The following DKK3 variants were observed in gnomAD, a reference collection of about 807,000 sequenced individuals.
DKK3 encodes dickkopf-related protein 3.
DKK3 carries 22 observed loss-of-function variants against 33.2 expected under a neutral mutation model. The ratio of observed to expected loss-of-function variants is 0.66; its 90% CI spans 0.47 to 0.95. The LOEUF (loss-of-function observed/expected upper bound fraction) is 0.95. Among genes scored for constraint, DKK3 ranks in the 40% least tolerant of loss-of-function variants. The pLI, the probability that DKK3 is intolerant of heterozygous loss-of-function variation, is 0.00. For missense variants in DKK3, 398 were observed against 458.4 expected (o/e 0.87, Z 1.20); for synonymous variants, 194 against 188.8 (o/e 1.03, Z -0.23).
rs1221813961 is a variant in DKK3 at position 11,969,737 on chromosome 11, C to G, written c.436-1250G>C. On this transcript the variant is annotated intron_variant, in intron 3 of 6. Coordinates refer to ENST00000683431, the MANE Select transcript of DKK3 (RefSeq NM_001018057.2). ...AGAGCCTGGCCGGGCAGGCCTGGAC[C>G]TCCGGCAGCTGCCTCCAGTCCCCTT... Among the ~76,000 whole-genome samples, 3 of 152,170 alleles carry G rather than the reference C, an allele frequency of 2.0e-5. No homozygotes were observed. The East Asian group carries it at 5.8e-4, about 29-fold the overall frequency.
intron 1 of DKK3, among the ~76,000 whole-genome samples, chr11:12,006,563 C>T (rs1362770144): frequency 1.3e-5 from 2 of 152,154 alleles, no homozygotes; most frequent in East Asian, 3.9e-4. Flanking sequence ...AGTGACAGCC[C>T]ACATCTCCTC....
chr11:11,975,132 C>T (rs1847805023), intron 3 of DKK3, among the ~76,000 whole-genome samples: 1 of 152,322 alleles, frequency 6.6e-6, no homozygotes, highest in East Asian at 1.9e-4. Context: ...GTTAAGTCGT[C>T]CTGTTTGGGG....
At chr11:11,982,234 G>A (rs1847970090) in intron 3 of DKK3, among the ~76,000 whole-genome samples, 1 of 152,074 alleles carries the variant, frequency 6.6e-6, no homozygotes, top group Non-Finnish European at 1.5e-5. Flanking sequence ...CCTCCTGAAA[G>A]AAACACTGGA....
At chr11:11,975,115 G>A (rs1208746891) in intron 3 of DKK3, among the ~76,000 whole-genome samples, 1 of 152,204 alleles carries the variant, frequency 6.6e-6, no homozygotes, top group Non-Finnish European at 1.5e-5. Context: ...TGACAGAATA[G>A]ATTCCTGTTA....
At chr11:12,008,926 CT>C, upstream of DKK3, 1 of 1,047,624 alleles carries the variant, frequency 9.5e-7, no homozygotes. This position sits in a 1 kb window ranked among gnomAD's most constrained non-coding sequence, Gnocchi z 4.6. Context: ...ACGCTAATAG[CT>C]CCCAAGCCCC....
intron 3 of DKK3, among the ~76,000 whole-genome samples, chr11:11,982,505 G>C (rs1847976885): frequency 6.6e-6 from 1 of 152,164 alleles, no homozygotes; most frequent in Admixed American, 6.5e-5. Flanking sequence ...TCTGGCTCAT[G>C]CTTCATCCAT....
upstream of DKK3, chr11:12,008,932 A>T: frequency 9.6e-7 from 1 of 1,039,690 alleles, no homozygotes; most frequent in South Asian, 4.6e-5. This position sits in a 1 kb window ranked among gnomAD's most constrained non-coding sequence, Gnocchi z 4.6. Flanking sequence ...ATAGCTCCCA[A>T]GCCCCAGCTC....
intron 3 of DKK3, chr11:11,998,106 G>A (rs1848337529): frequency 6.5e-6 from 1 of 154,306 alleles, no homozygotes; most frequent in African/African-American, 2.4e-5. Flanking sequence ...CCCGACCTGT[G>A]CCCAGGTTTT....
chr11:12,003,753 A>G (rs1172601691), intron 1 of DKK3, among the ~76,000 whole-genome samples: 1 of 152,070 alleles, frequency 6.6e-6, no homozygotes, highest in Non-Finnish European at 1.5e-5. Flanking sequence ...TTTTTAAAAA[A>G]AGAATGCTCA....
At chr11:11,987,782 G>T (rs773779239) in intron 3 of DKK3, among the ~76,000 whole-genome samples, 2 of 152,148 alleles carry the variant, frequency 1.3e-5, no homozygotes, top group Admixed American at 1.3e-4. Flanking sequence ...TCATCTGTTT[G>T]GTCTAGCACC....
intron 4 of DKK3, among the ~76,000 whole-genome samples, chr11:11,967,360 G>C (rs1847622783): frequency 1.3e-5 from 2 of 152,216 alleles, no homozygotes; most frequent in South Asian, 4.1e-4. Flanking sequence ...ATTTTGCAAA[G>C]AACAGCAGGG....
intron 3 of DKK3, among the ~76,000 whole-genome samples, chr11:11,994,259 GC>G (rs773210301): frequency 1.1e-4 from 16 of 152,012 alleles, no homozygotes; most frequent in Non-Finnish European, 2.1e-4. Context: ...CACACAAAGA[GC>G]CTTTATAAAC....
intron 3 of DKK3, among the ~76,000 whole-genome samples, chr11:11,980,369 G>A (rs560785595): frequency 6.6e-6 from 1 of 152,168 alleles, no homozygotes; most frequent in Non-Finnish European, 1.5e-5. Context: ...ACTGACCAAG[G>A]TCATGAGTTC....
intron 4 of DKK3, among the ~76,000 whole-genome samples, chr11:11,967,894 G>C (rs1199506581): frequency 2.6e-5 from 4 of 152,156 alleles, no homozygotes; most frequent in Non-Finnish European, 1.5e-5. Context: ...CTGGTGGGTG[G>C]GGTGCAGGTC....
intron 3 of DKK3, among the ~76,000 whole-genome samples, chr11:11,988,502 T>C (rs1057220112): frequency 5.3e-5 from 8 of 152,156 alleles, no homozygotes; most frequent in Admixed American, 4.6e-4. Context: ...GTTGGCACTG[T>C]CCCCTGGCCT....
At chr11:12,001,389 CCT>C (rs1848424947) in intron 2 of DKK3, among the ~76,000 whole-genome samples, 1 of 152,194 alleles carries the variant, frequency 6.6e-6, no homozygotes, top group Non-Finnish European at 1.5e-5. Flanking sequence ...AAATTGATCC[CCT>C]GTGCTCTGTG....
chr11:12,008,792 C>T (rs1428330036), upstream of DKK3: 1 of 1,184,004 alleles, frequency 8.4e-7, no homozygotes, highest in African/African-American at 1.6e-5. The surrounding 1 kb of genome is among the most constrained non-coding windows in gnomAD (Gnocchi z 4.6). Flanking sequence ...CGCGACCCCA[C>T]CCGCTCCAGC....
At position 12,001,070 on chromosome 11, in the gene DKK3, C is replaced by T. The variant is rs182041152; in HGVS notation, c.351+1230G>A. Among the ~76,000 whole-genome samples the T allele has an allele frequency of 6.0e-3, 912 of 152,304 alleles. 40 individuals are homozygous for T. The highest frequency in any genetic ancestry group is 0.052 in the Admixed American group (801 of 15,290). ...AATTTTTCAAAAATCACACTAGTGA[C>T]TGGTAGGACTCACACTCAGGTATTC... On this transcript the variant is annotated intron_variant, in intron 2 of 6. Coordinates refer to ENST00000683431, the MANE Select transcript of DKK3 (RefSeq NM_001018057.2).
chr11:12,002,145 T>G (rs139438257), intron 2 of DKK3, 155 bp downstream of exon 2: 2 of 823,706 alleles, frequency 2.4e-6, no homozygotes, highest in Middle Eastern at 2.4e-4. Flanking sequence ...CTTTCAACAG[T>G]AACATTACTC....
Sources: allele counts gnomAD v4.1 joint callset (sites outside exome capture counted in the v4.1 genomes callset), GRCh38; gene constraint gnomAD v4.1.1; non-coding constraint Gnocchi (gnomAD v3.1); transcripts MANE v1.5; gene names NCBI Gene and HGNC (gene_info 2026-07-23, HGNC 2026-07-21).